Variants in CNTN5 observed in about 807,000 individuals in gnomAD.
CNTN5 encodes contactin-5.
A neutral mutation model predicts 129.1 loss-of-function variants in CNTN5; 77 were observed. The observed-to-expected ratio is 0.60, with a 90% CI of 0.50 to 0.72. The LOEUF (loss-of-function observed/expected upper bound fraction) is 0.72. Among genes scored for constraint, CNTN5 ranks in the 30% least tolerant of loss-of-function variants. CNTN5 has a pLI of 0.00. For missense variants in CNTN5, 1,478 were observed against 1,328.8 expected, an observed-to-expected ratio of 1.11 and a Z score of -1.75; for synonymous variants, 509 against 465.6, an observed-to-expected ratio of 1.09 and a Z score of -1.20.
At chr11:99,515,636 G>A (rs7945778) in intron 2 of CNTN5, among the ~76,000 whole-genome samples, 10,009 of 151,896 alleles carry the variant, frequency 0.066, 366 homozygotes, top group African/African-American at 0.098. Context: ...TGCCTTAATT[G>A]TCCCCTCAAT....
intron 1 of CNTN5, among the ~76,000 whole-genome samples, chr11:99,103,431 T>A (rs540165697): frequency 8.7e-4 from 133 of 152,266 alleles, no homozygotes; most frequent in African/African-American, 3.2e-3. Flanking sequence ...AGGTCAAATA[T>A]CTTTATTATT....
intron 2 of CNTN5, among the ~76,000 whole-genome samples, chr11:99,504,860 C>T (rs1316948824): frequency 6.6e-6 from 1 of 152,130 alleles, no homozygotes; most frequent in Non-Finnish European, 1.5e-5. Context: ...CCTTAACAGA[C>T]CACAACTTCT....
chr11:99,580,328 G>T (rs1949530050), intron 3 of CNTN5, among the ~76,000 whole-genome samples: 1 of 152,080 alleles, frequency 6.6e-6, no homozygotes, highest in Admixed American at 6.6e-5. Context: ...TTGGTATCAG[G>T]ATGATGCTGG....
intron 8 of CNTN5, among the ~76,000 whole-genome samples, chr11:99,969,217 G>C (rs758743070): frequency 1.3e-5 from 2 of 152,162 alleles, no homozygotes; most frequent in South Asian, 4.1e-4. Flanking sequence ...TACTTAATAC[G>C]TGGTAACAAA....
intron 4 of CNTN5, among the ~76,000 whole-genome samples, chr11:99,823,513 GAAAA>G (rs764300047): frequency 6.7e-6 from 1 of 148,862 alleles, no homozygotes; most frequent in South Asian, 2.1e-4. Flanking sequence ...GAGAAAATCT[GAAAA>G]AAAAAGGCAA....
At chr11:99,648,954 C>G (rs1449935464) in intron 3 of CNTN5, among the ~76,000 whole-genome samples, 1 of 151,618 alleles carries the variant, frequency 6.6e-6, no homozygotes. Context: ...GGATACACAA[C>G]TACAGCTAGA....
At chr11:99,401,569 C>G (rs912904532) in intron 2 of CNTN5, among the ~76,000 whole-genome samples, 5 of 152,172 alleles carry the variant, frequency 3.3e-5, no homozygotes, top group African/African-American at 1.2e-4. Context: ...TTGTTCTGTA[C>G]TTTTGTGGTT....
chr11:99,035,394 C>T (rs914084906), intron 1 of CNTN5, among the ~76,000 whole-genome samples: 10 of 152,114 alleles, frequency 6.6e-5, no homozygotes, highest in East Asian at 1.9e-4. Flanking sequence ...ACTGTTAATG[C>T]GTGGGAGTCT....
chr11:99,699,746 G>A (rs374773015), intron 3 of CNTN5, among the ~76,000 whole-genome samples: 81 of 151,520 alleles, frequency 5.3e-4, no homozygotes, highest in African/African-American at 1.8e-3. Flanking sequence ...CACCTTTAGT[G>A]TACACTCTAA....
In CNTN5 at chr11:99,541,570, A is replaced by C. The variant is rs558401493; in HGVS notation, c.-70-14575A>C. The stretch of plus-strand genomic sequence containing the variant: ...TCTGACACCTGTGAAAAGGAGGAAG[A>C]TACAAGATTGCTCAGGGAAATCCTC... On this transcript the variant is annotated intron_variant, in intron 2 of 24. Coordinates refer to ENST00000524871, the MANE Select transcript of CNTN5 (RefSeq NM_014361.4). Among the ~76,000 whole-genome samples, 5 of 152,276 alleles carry C rather than the reference A, an allele frequency of 3.3e-5. No individual in the cohort carries two copies. The South Asian group carries it at 1.0e-3, about 32-fold the overall frequency.
intron 3 of CNTN5, among the ~76,000 whole-genome samples, chr11:99,608,338 G>T (rs892340514): frequency 2.0e-5 from 3 of 152,078 alleles, no homozygotes; most frequent in African/African-American, 4.8e-5. Context: ...GAATGATCAG[G>T]TCTACAAAAC....
intron 23 of CNTN5, among the ~76,000 whole-genome samples, chr11:100,347,875 A>G (rs1280040919): frequency 6.6e-6 from 1 of 152,048 alleles, no homozygotes; most frequent in East Asian, 1.9e-4. Flanking sequence ...TCTCAGGAGT[A>G]GTTTGGGTAT....
chr11:99,276,811 G>A (rs1287487887), intron 1 of CNTN5, among the ~76,000 whole-genome samples: 8 of 151,434 alleles, frequency 5.3e-5, no homozygotes, highest in African/African-American at 1.9e-4. Flanking sequence ...CAAGTTTTAT[G>A]TCATAATTTA....
At position 99,638,752 on chromosome 11, in the gene CNTN5, T is replaced by G. The variant is rs570716285; in HGVS notation, c.55+82483T>G. Among the ~76,000 whole-genome samples, 13 of 152,312 alleles carry G rather than the reference T, an allele frequency of 8.5e-5. No individual in the cohort carries two copies. In the East Asian group the frequency reaches 2.5e-3, roughly 30 times the overall value. Reference sequence around the variant, plus strand: ...ATCTCATACCCAGGTTACACTGATGTAAGAGATGGGTTCCCATGATCTTGG... The same window carrying G: ...ATCTCATACCCAGGTTACACTGATGGAAGAGATGGGTTCCCATGATCTTGG... On this transcript the variant is annotated intron_variant, in intron 3 of 24. Coordinates refer to ENST00000524871, the MANE Select transcript of CNTN5 (RefSeq NM_014361.4).
At chr11:100,162,108 C>G (rs867092745) in intron 13 of CNTN5, among the ~76,000 whole-genome samples, 5 of 151,912 alleles carry the variant, frequency 3.3e-5, no homozygotes, top group Middle Eastern at 3.4e-3. Flanking sequence ...CTTGGACTCT[C>G]ATTCTGGCTG....
At chr11:99,849,715 G>T (rs1289067239) in intron 6 of CNTN5, among the ~76,000 whole-genome samples, 5 of 152,078 alleles carry the variant, frequency 3.3e-5, no homozygotes, top group Non-Finnish European at 7.4e-5. Flanking sequence ...GAATGCTTTT[G>T]TTGCAGACGA....
intron 1 of CNTN5, among the ~76,000 whole-genome samples, chr11:99,251,763 A>G (rs1451178905): frequency 6.6e-6 from 1 of 151,958 alleles, no homozygotes; most frequent in Non-Finnish European, 1.5e-5. Flanking sequence ...AATTTTTTTC[A>G]TGTATGGTAG....
intron 4 of CNTN5, among the ~76,000 whole-genome samples, chr11:99,830,721 T>A (rs1947112456): frequency 6.6e-6 from 1 of 152,214 alleles, no homozygotes; most frequent in African/African-American, 2.4e-5. Context: ...CAAAACTTTA[T>A]GACTTTATTC....
intron 6 of CNTN5, among the ~76,000 whole-genome samples, chr11:99,855,497 G>T (rs1284659847): frequency 6.6e-6 from 1 of 152,058 alleles, no homozygotes; most frequent in Non-Finnish European, 1.5e-5. Flanking sequence ...AATGAATATT[G>T]ATTTTGGCCA....
Sources: allele counts gnomAD v4.1 joint callset (sites outside exome capture counted in the v4.1 genomes callset), GRCh38; gene constraint gnomAD v4.1.1; transcripts MANE v1.5; gene names NCBI Gene and HGNC (gene_info 2026-07-23, HGNC 2026-07-21).